Variants in RUNX1 observed in about 807,000 individuals in gnomAD.
RUNX1 encodes runt-related transcription factor 1.
A neutral mutation model predicts 42.8 loss-of-function variants in RUNX1; 19 were observed. That is an observed-to-expected ratio of 0.44 (90% CI 0.31 to 0.65). RUNX1 has a LOEUF of 0.65. Among genes scored for constraint, RUNX1 ranks in the 30% least tolerant of loss-of-function variants. The probability of loss-of-function intolerance (pLI) is 0.07; values close to 1 mark genes in which losing one functional copy is unlikely to be tolerated. For missense variants in RUNX1, 528 were observed against 672.0 expected (o/e 0.79, Z 2.37); for synonymous variants, 271 against 289.4 (o/e 0.94, Z 0.64).
At chr21:34,859,277 C>T in intron 6 of RUNX1, 197 bp downstream of exon 6, 1 of 615,198 alleles carries the variant, frequency 1.6e-6, no homozygotes, top group South Asian at 1.9e-5. Flanking sequence ...AAGGATGCTT[C>T]AAAAAGAGCT....
intron 2 of RUNX1, among the ~76,000 whole-genome samples, chr21:34,958,928 T>C (rs1480521770): frequency 6.6e-6 from 1 of 152,142 alleles, no homozygotes; most frequent in Non-Finnish European, 1.5e-5. Flanking sequence ...GAAATCATCA[T>C]TCTCAGTAAA....
intron 6 of RUNX1, among the ~76,000 whole-genome samples, chr21:34,841,398 T>G (rs574176576): frequency 5.9e-4 from 90 of 152,266 alleles, no homozygotes; most frequent in African/African-American, 2.1e-3. Context: ...TTTTGTACTC[T>G]TGTGGGTGGT....
At chr21:34,934,817 C>T (rs774280720) in intron 2 of RUNX1, among the ~76,000 whole-genome samples, 5 of 151,988 alleles carry the variant, frequency 3.3e-5, no homozygotes, top group Non-Finnish European at 7.4e-5. Flanking sequence ...AGGATGAAGG[C>T]AGGGGTGGGA....
At chr21:34,961,256 C>T (rs908406443) in intron 2 of RUNX1, among the ~76,000 whole-genome samples, 1 of 152,016 alleles carries the variant, frequency 6.6e-6, no homozygotes, top group Non-Finnish European at 1.5e-5. Context: ...TGCCTGTAGT[C>T]CCAGCTACTC....
chr21:34,873,271 T>A (rs1408186918), intron 5 of RUNX1, among the ~76,000 whole-genome samples: 1 of 152,198 alleles, frequency 6.6e-6, no homozygotes, highest in African/African-American at 2.4e-5. Context: ...TCCTGTGATT[T>A]ACCTTGGTTT....
At chr21:35,007,273 G>A (rs1207410984) in intron 2 of RUNX1, among the ~76,000 whole-genome samples, 3 of 152,182 alleles carry the variant, frequency 2.0e-5, no homozygotes, top group Non-Finnish European at 4.4e-5. Flanking sequence ...TATTCTGCGG[G>A]GCAGGGCTGT....
intron 2 of RUNX1, among the ~76,000 whole-genome samples, chr21:34,912,105 C>T (rs1366726107): frequency 6.6e-6 from 1 of 151,136 alleles, no homozygotes; most frequent in African/African-American, 2.4e-5. Context: ...TGCCCAGCAT[C>T]AAGAAAAGTG....
chr21:34,979,942 G>A (rs753681975), intron 2 of RUNX1, among the ~76,000 whole-genome samples: 4 of 152,172 alleles, frequency 2.6e-5, no homozygotes, highest in South Asian at 2.1e-4. Context: ...GAGCCAGGTC[G>A]CCTGCCCCAG....
intron 2 of RUNX1, among the ~76,000 whole-genome samples, chr21:34,906,225 T>C (rs1166214127): frequency 6.6e-6 from 1 of 152,208 alleles, no homozygotes; most frequent in Non-Finnish European, 1.5e-5. Flanking sequence ...AGCCTACGAA[T>C]GCATTAGATT....
At chr21:34,905,994 C>T (rs1156500869) in intron 2 of RUNX1, among the ~76,000 whole-genome samples, 2 of 152,200 alleles carry the variant, frequency 1.3e-5, no homozygotes, top group Non-Finnish European at 2.9e-5. Context: ...CAAGAATCCT[C>T]TCTCCTGGTG....
chr21:34,907,441 G>A lies in RUNX1; in HGVS notation c.59-14478C>T, dbSNP rs1021899737. The stretch of plus-strand genomic sequence containing the variant: ...TTCATCAGTAGTAAGGGTGAATACT[G>A]CTTCCTGAAGCTCTTTTTTTGATTG... On this transcript the variant is annotated intron_variant, in intron 2 of 8. Coordinates refer to ENST00000675419, the MANE Select transcript of RUNX1 (RefSeq NM_001754.5). The surrounding 1 kb of genome is among the most constrained non-coding windows in gnomAD (Gnocchi z 5.3). Among the ~76,000 whole-genome samples the A allele has an allele frequency of 3.3e-5, 5 of 151,924 alleles. No homozygotes were observed. Among genetic ancestry groups the A allele is most frequent in the African/African-American group, 9.7e-5 (4 of 41,236 alleles).
Position 35,048,839 on chromosome 21 carries a change from C to T in RUNX1, c.58+3G>A. On this transcript the variant is annotated splice_donor_region_variant and intron_variant, in intron 2 of 8. Transcript: ENST00000675419. ...AGATATTACAAGACCAGCATGTACT[C>T]ACCTCTCATGAAGCACTGTGGGTAC... 1 of 1,612,394 alleles carries T rather than the reference C, an allele frequency of 6.2e-7. No individual in the cohort carries two copies. Among genetic ancestry groups the T allele is most frequent in the Non-Finnish European group, 8.5e-7 (1 of 1,178,480 alleles).
At chr21:34,863,758 G>A (rs2057614336) in intron 5 of RUNX1, among the ~76,000 whole-genome samples, 1 of 151,902 alleles carries the variant, frequency 6.6e-6, no homozygotes, top group Non-Finnish European at 1.5e-5. Context: ...GTTTCACTAT[G>A]TCAGCCATGC....
chr21:34,937,320 C>CAA (rs35504628), intron 2 of RUNX1, among the ~76,000 whole-genome samples: 5,502 of 121,770 alleles, frequency 0.045, 195 homozygotes, highest in Middle Eastern at 0.081. Context: ...GGCCATCAGC[C>CAA]AAAAAAAAAA....
intron 2 of RUNX1, among the ~76,000 whole-genome samples, chr21:34,998,787 C>T (rs975030078): frequency 4.6e-5 from 7 of 152,176 alleles, no homozygotes; most frequent in Non-Finnish European, 8.8e-5. Flanking sequence ...GTGATCCGCC[C>T]GCCTTGCCCT....
chr21:34,971,213 C>CT (rs2058761372), intron 2 of RUNX1, among the ~76,000 whole-genome samples: 1 of 152,108 alleles, frequency 6.6e-6, no homozygotes, highest in Non-Finnish European at 1.5e-5. Flanking sequence ...TAGATCAGTT[C>CT]TTTTTTATCA....
At chr21:34,969,732 T>A (rs1161508594) in intron 2 of RUNX1, among the ~76,000 whole-genome samples, 1 of 150,166 alleles carries the variant, frequency 6.7e-6, no homozygotes. Context: ...TCGTGGGTGA[T>A]GTCCAGGATT....
At chr21:34,819,114 T>A (rs765743919) in intron 7 of RUNX1, among the ~76,000 whole-genome samples, 7 of 152,222 alleles carry the variant, frequency 4.6e-5, no homozygotes, top group Non-Finnish European at 8.8e-5. Context: ...TGCTCAGAAG[T>A]TCAAAGTCAC....
intron 2 of RUNX1, among the ~76,000 whole-genome samples, chr21:34,940,719 C>CTG (rs956503375): frequency 1.4e-4 from 21 of 152,222 alleles, no homozygotes; most frequent in East Asian, 5.8e-4. Flanking sequence ...TAGCCTTGAA[C>CTG]TGTGCTGCTC....
Sources: allele counts gnomAD v4.1 joint callset (sites outside exome capture counted in the v4.1 genomes callset), GRCh38; gene constraint gnomAD v4.1.1; non-coding constraint Gnocchi (gnomAD v3.1); transcripts MANE v1.5; gene names NCBI Gene and HGNC (gene_info 2026-07-23, HGNC 2026-07-21).